BICDL2: variants seen among roughly 807,000 people sequenced by gnomAD.
BICDL2 encodes the protein BICD family-like cargo adapter 2.
In BICDL2, 62 loss-of-function variants were observed where a neutral mutation model predicts 56.6. The observed-to-expected ratio is 1.10, with a 90% CI of 0.89 to 1.35. BICDL2 has a LOEUF of 1.35. Ranked by LOEUF, BICDL2 falls within the 40% of genes most tolerant of loss-of-function variation. The probability of loss-of-function intolerance (pLI) is 0.00; values close to 1 mark genes in which losing one functional copy is unlikely to be tolerated. For missense variants in BICDL2, 808 were observed against 684.5 expected (o/e 1.18, Z -2.01); for synonymous variants, 358 against 319.8 (o/e 1.12, Z -1.27).
intron 1 of BICDL2, chr16:3,036,332 C>A (rs1453568335): frequency 2.2e-6 from 1 of 445,382 alleles, no homozygotes; most frequent in South Asian, 1.6e-5. Flanking sequence ...CTTCCCGGTC[C>A]GCCCCTGGGG....
rs1405855238 is a variant in BICDL2 at position 3,028,478 on chromosome 16, C to G, written c.1239-10G>C. 1.3e-6 allele frequency: 2 copies of G among 1,571,412 alleles called. No individual in the cohort carries two copies. The highest frequency in any genetic ancestry group is 2.7e-5 in the African/African-American group (2 of 74,244). On this transcript the variant is annotated splice_polypyrimidine_tract_variant and intron_variant, in intron 8 of 9. Transcript: ENST00000572449. ...GGACAGCTCCAGGGCCCTAGGCGGG[C>G]AGGAGCAGAAGACGCGTTTGAGGGC... is the stretch of plus-strand genomic sequence containing the variant.
intron 1 of BICDL2, 125 bp downstream of exon 1, chr16:3,036,769 G>T (rs754848155): frequency 1.5e-4 from 54 of 359,738 alleles, no homozygotes; most frequent in Non-Finnish European, 2.4e-4. Flanking sequence ...CGGCGCCCCC[G>T]GTTCCCCGGC....
Position 3,030,515 on chromosome 16 carries a change from G to GC in BICDL2, c.695dup (p.Arg233GlnfsTer137). The GC allele has an allele frequency of 6.2e-7, 1 of 1,603,342 alleles. No homozygotes were observed. The highest frequency in any genetic ancestry group is 8.5e-7 in the Non-Finnish European group (1 of 1,179,086). ...ACTCCTCGTGGGTGGTCTGCAGTCT[G>GC]CCCTCACCCTTCTCCACCTCCTCAC... On this transcript the variant is annotated frameshift_variant, in exon 5 of 10. Coordinates refer to ENST00000572449, the MANE Select transcript of BICDL2 (RefSeq NM_001369667.1). LOFTEE classifies it high-confidence loss of function.
chr16:3,029,852 C>T, intron 5 of BICDL2, 113 bp from the exon 6 acceptor site: 1 of 922,478 alleles, frequency 1.1e-6, no homozygotes, highest in Admixed American at 3.4e-5. Flanking sequence ...ACCCCAGCGG[C>T]CCAGGCTGTT....
In BICDL2 at chr16:3,035,361, C is replaced by T; in HGVS notation, c.136G>A (p.Glu46Lys). Reference protein sequence around the residue: ...SFLGGGPGPEEPEDLALQLQQ... With the variant: ...SFLGGGPGPEKPEDLALQLQQ... ...AGCTGCAAGGCTAGGTCCTCGGGCTCCTCAGGCCCTGGGCCCCCTCCCAGG... is the reference window on the plus strand; with the variant it reads ...AGCTGCAAGGCTAGGTCCTCGGGCTTCTCAGGCCCTGGGCCCCCTCCCAGG... Residue 46 changes from glutamate (E) to lysine (K), a missense_variant, in exon 2 of 10, where the codon GAG (glutamate) becomes AAG (lysine). Physicochemically the swap from Glu to Lys is moderately conservative, Grantham distance 56. Coordinates refer to ENST00000572449, the MANE Select transcript of BICDL2 (RefSeq NM_001369667.1). The T allele has an allele frequency of 6.2e-7, 1 of 1,605,256 alleles. No homozygotes were observed. Among genetic ancestry groups the T allele is most frequent in the Non-Finnish European group, 8.5e-7 (1 of 1,176,718 alleles).
chr16:3,028,264 G>A lies in BICDL2; in HGVS notation c.1369C>T (p.Gln457Ter). ...QELEAWQDDM[Q>*]VVIGQQLRSQ... ...CGCAGCTGCTGCCCGATCACCACCT[G>A]CATGTCGTCCTGCGGGAGGCCGTGG... The change falls in exon 10 of 10, where the codon CAG becomes TAG. Residue 457 changes from glutamine to a stop codon, truncating the protein, a stop_gained. Transcript: ENST00000572449. LOFTEE classifies it low-confidence loss of function (END_TRUNC). The A allele has an allele frequency of 6.7e-7, 1 of 1,489,052 alleles. No homozygotes were observed. The highest frequency in any genetic ancestry group is 1.3e-5 in the South Asian group (1 of 74,530). 92.2% of individuals were successfully genotyped at this position (1,489,052 alleles called of 1,614,324 possible). A position where few individuals can be genotyped will look rare whatever the true frequency, so the allele number is the denominator to read the frequency against.
chr16:3,029,442 G>T lies in BICDL2; in HGVS notation c.958-13C>A. On this transcript the variant is annotated splice_polypyrimidine_tract_variant and intron_variant, in intron 6 of 9. Transcript: ENST00000572449. ...GGGACCGGGTGGTCTGTGGGCCAAAGAAATGGGTTAGTGGTGTGGAGTTTA... is the reference window on the plus strand; with the variant it reads ...GGGACCGGGTGGTCTGTGGGCCAAATAAATGGGTTAGTGGTGTGGAGTTTA... The T allele has an allele frequency of 1.3e-6, 2 of 1,599,902 alleles. No homozygotes were observed. The highest frequency in any genetic ancestry group is 1.7e-6 in the Non-Finnish European group (2 of 1,177,014).
At chr16:3,035,176 T>TTGGGCGGGGGGGGGGGG in intron 2 of BICDL2, 39 bp downstream of exon 2, 1 of 136,274 alleles carries the variant, frequency 7.3e-6, no homozygotes, top group Non-Finnish European at 1.4e-5. Flanking sequence ...CGTCCTCCCC[T>TTGGGCGGGGGGGGGGGG]GCCCACCCAC....
chr16:3,035,057 G>A (rs1955710324), intron 2 of BICDL2, 158 bp downstream of exon 2: 9 of 700,032 alleles, frequency 1.3e-5, no homozygotes, highest in Non-Finnish European at 2.1e-5. Flanking sequence ...CAGGGGGACT[G>A]GGCCCAGCTC....
In BICDL2 at chr16:3,028,162, G is replaced by A; in HGVS notation, c.1471C>T (p.Arg491Cys). 1.4e-6 allele frequency: 2 copies of A among 1,447,054 alleles called. No homozygotes were observed. The allele number at this position is 1,447,054 out of a possible 1,614,324, so 89.6% of individuals were successfully genotyped here. A position where few individuals can be genotyped will look rare whatever the true frequency, so the allele number is the denominator to read the frequency against. ...PRRAAPRFSL[R>C]LGPGPAGGFL... ...CCACCGGCGGGCCCGGGGCCCAGGC[G>A]CAGCGAGAAGCGGGGCGCGGCACGG... Residue 491 changes from arginine (R) to cysteine (C), a missense_variant, in exon 10 of 10, where the codon CGC (arginine) becomes TGC (cysteine). By Grantham distance (180) the Arg-to-Cys change is radical. Coordinates refer to ENST00000572449, the MANE Select transcript of BICDL2 (RefSeq NM_001369667.1).
chr16:3,035,176 T>TTGGGCGGGGGGGGG, intron 2 of BICDL2, 39 bp downstream of exon 2: 2 of 136,274 alleles, frequency 1.5e-5, no homozygotes, highest in Non-Finnish European at 2.7e-5. Context: ...CGTCCTCCCC[T>TTGGGCGGGGGGGGG]GCCCACCCAC....
chr16:3,030,654 T>C (rs1424291533), intron 4 of BICDL2, 42 bp downstream of exon 4: 2 of 1,594,114 alleles, frequency 1.3e-6, no homozygotes, highest in Admixed American at 1.7e-5. Flanking sequence ...TCAGCCCGGC[T>C]TTTTTGGCTC....
At chr16:3,029,253 C>T (rs1374048737) in intron 7 of BICDL2, 27 bp downstream of exon 7, 1 of 1,603,144 alleles carries the variant, frequency 6.2e-7, no homozygotes, top group South Asian at 1.1e-5. Context: ...AGGGGCCGTG[C>T]ATCCAGCACC....
intron 2 of BICDL2, among the ~76,000 whole-genome samples, chr16:3,034,658 C>CCTTCCT (rs767242897): frequency 7.8e-6 from 1 of 128,842 alleles, no homozygotes; most frequent in Non-Finnish European, 1.6e-5. Context: ...TTCTTTCTCT[C>CCTTCCT]TCCTTCCTTC....
Position 3,030,049 on chromosome 16 carries a change from G to A in BICDL2, c.763-310C>T, listed in dbSNP as rs990981489. 8 of 487,302 alleles carry A rather than the reference G, an allele frequency of 1.6e-5. No homozygotes were observed. In the South Asian group the frequency reaches 1.9e-4, roughly 12 times the overall value. 30.2% of individuals were successfully genotyped at this position (487,302 alleles called of 1,614,324 possible). A position where few individuals can be genotyped will look rare whatever the true frequency, so the allele number is the denominator to read the frequency against. On this transcript the variant is annotated intron_variant, in intron 5 of 9. Transcript: ENST00000572449. ...TGCTACTGAGGCTGCTTGTCCCACA[G>A]TAGTAAGTAAGAAGGGGCACCGGGA...
intron 2 of BICDL2, among the ~76,000 whole-genome samples, chr16:3,034,445 AT>A (rs1012539182): frequency 6.6e-6 from 1 of 151,502 alleles, no homozygotes; most frequent in African/African-American, 2.4e-5. Flanking sequence ...TGCCTGGCTA[AT>A]TTTTTTTGTA....
At chr16:3,035,176 T>TTGGGGGGGGGGGGGGGGGGGGGG in intron 2 of BICDL2, 39 bp downstream of exon 2, 6 of 136,274 alleles carry the variant, frequency 4.4e-5, no homozygotes, top group Middle Eastern at 2.6e-3. Flanking sequence ...CGTCCTCCCC[T>TTGGGGGGGGGGGGGGGGGGGGGG]GCCCACCCAC....
chr16:3,033,884 G>T (rs1955691347), intron 2 of BICDL2, among the ~76,000 whole-genome samples: 1 of 152,160 alleles, frequency 6.6e-6, no homozygotes, highest in African/African-American at 2.4e-5. Context: ...CAGGTGATGG[G>T]GGCATGGAAT....
At chr16:3,028,582 G>A (rs1220128229) in intron 8 of BICDL2, 114 bp from the exon 9 acceptor site, 2 of 1,523,168 alleles carry the variant, frequency 1.3e-6, no homozygotes, top group Non-Finnish European at 1.8e-6. Flanking sequence ...CTAGATCAAG[G>A]AGGTCAGGGG....
Sources: gnomAD v4.1 joint callset for allele counts (sites outside exome capture counted in the v4.1 genomes callset) on GRCh38, gnomAD v4.1.1 for gene constraint, MANE v1.5 for transcripts, NCBI Gene and HGNC (gene_info 2026-07-23, HGNC 2026-07-21) for gene names.